LPP: variants seen among roughly 807,000 people sequenced by gnomAD.
LPP encodes lipoma-preferred partner.
A neutral mutation model predicts 60.4 loss-of-function variants in LPP; 38 were observed. The ratio of observed to expected loss-of-function variants is 0.63; its 90% CI spans 0.49 to 0.83. LPP has a LOEUF of 0.83. Ranked by LOEUF, LPP falls within the 40% of genes least tolerant of loss-of-function variation. LPP has a pLI of 0.00. For missense variants in LPP, 902 were observed against 783.6 expected (o/e 1.15, Z -1.80); for synonymous variants, 328 against 290.8 (o/e 1.13, Z -1.30).
In LPP at chr3:188,609,691, A is replaced by G; in HGVS notation, c.960A>G (p.Gln320=). 1.2e-6 allele frequency: 2 copies of G among 1,614,106 alleles called. No homozygotes were observed. Among genetic ancestry groups the G allele is most frequent in the Non-Finnish European group, 1.7e-6 (2 of 1,179,998 alleles). ...RNDSDPTYGQ[Q]GHPNTWKREP... ...ACTCTGACCCTACCTATGGTCAACAAGGTCACCCAAATACCTGGAAACGGG... is the reference window on the plus strand; with the variant it reads ...ACTCTGACCCTACCTATGGTCAACAGGGTCACCCAAATACCTGGAAACGGG... Residue 320 remains glutamine, a synonymous_variant, in exon 7 of 12, where the codon CAA becomes CAG. Transcript: ENST00000617246. The surrounding 1 kb of genome is among the most constrained non-coding windows in gnomAD (Gnocchi z 6.9).
rs145648006 is a variant in LPP, at chr3:188,167,538, C to CAAAACA, written c.-190+13289_-190+13290insACAAAA. Among the ~76,000 whole-genome samples, 492 of 150,366 alleles carry CAAAACA rather than the reference C, an allele frequency of 3.3e-3. 1 individual carries two copies. Among genetic ancestry groups the CAAAACA allele is most frequent in the African/African-American group, 0.012 (477 of 40,978 alleles). On this transcript the variant is annotated intron_variant, in intron 1 of 11. Transcript: ENST00000617246. ...CAAAACAAAACAAAACAAAACAAAA[C>CAAAACA]AAAGGCCTGCCATGCAGTGCCACTG...
At chr3:188,423,809 T>A (rs1434101416) in intron 4 of LPP, among the ~76,000 whole-genome samples, 1 of 152,188 alleles carries the variant, frequency 6.6e-6, no homozygotes, top group Non-Finnish European at 1.5e-5. Flanking sequence ...TGTTTGTTTT[T>A]TTCTTGAAAA....
intron 3 of LPP, among the ~76,000 whole-genome samples, chr3:188,402,855 C>T (rs6785284): frequency 0.4 from 60,255 of 152,008 alleles, 12,199 homozygotes; most frequent in South Asian, 0.57. Context: ...GCTACTCTTC[C>T]TTGGAGAAGT....
At chr3:188,447,923 T>C (rs1037233134) in intron 4 of LPP, among the ~76,000 whole-genome samples, 7 of 152,220 alleles carry the variant, frequency 4.6e-5, no homozygotes, top group Non-Finnish European at 8.8e-5. Context: ...TCAAATTATC[T>C]ACTGTTGTAC....
At chr3:188,239,486 A>C (rs1560143034) in intron 2 of LPP, among the ~76,000 whole-genome samples, 1 of 152,150 alleles carries the variant, frequency 6.6e-6, no homozygotes, top group Non-Finnish European at 1.5e-5. Flanking sequence ...TTTTATTTTT[A>C]CTTTATATCA....
At chr3:188,808,725 T>C (rs1209974939) in intron 9 of LPP, among the ~76,000 whole-genome samples, 1 of 152,194 alleles carries the variant, frequency 6.6e-6, no homozygotes, top group African/African-American at 2.4e-5. Flanking sequence ...TGCAGGTTTG[T>C]TACACAGGTA....
intron 5 of LPP, among the ~76,000 whole-genome samples, chr3:188,505,568 A>G (rs1813214245): frequency 6.6e-6 from 1 of 152,148 alleles, no homozygotes; most frequent in South Asian, 2.1e-4. Flanking sequence ...CTGCCTTTTC[A>G]CTTTCAATGT....
rs1560628044 is a variant in LPP at position 188,607,368 on chromosome 3, A to AAG, written c.430-1791_430-1790dup. Reference sequence around the variant, plus strand: ...ATTATAACTGTATGTTTGAAAATAGAAGATATATATATATATATATATATA... The same window carrying AAG: ...ATTATAACTGTATGTTTGAAAATAGAAGAGATATATATATATATATATATATA... On this transcript the variant is annotated intron_variant, in intron 6 of 11. Transcript: ENST00000617246. Among the ~76,000 whole-genome samples the AAG allele has an allele frequency of 4.8e-5, 4 of 83,676 alleles. 1 individual carries two copies. Among genetic ancestry groups the AAG allele is most frequent in the Non-Finnish European group, 9.3e-5 (4 of 42,850 alleles). 54.9% of individuals were successfully genotyped at this position (83,676 alleles called of 152,430 possible). A position where few individuals can be genotyped will look rare whatever the true frequency, so the allele number is the denominator to read the frequency against.
chr3:188,240,512 C>G (rs192618613), intron 2 of LPP, among the ~76,000 whole-genome samples: 4 of 152,144 alleles, frequency 2.6e-5, no homozygotes, highest in Admixed American at 6.5e-5. Context: ...AATTTGACTG[C>G]TTTATTTTGT....
chr3:188,707,172 T>C (rs865799571), intron 7 of LPP, among the ~76,000 whole-genome samples: 1 of 152,140 alleles, frequency 6.6e-6, no homozygotes, highest in African/African-American at 2.4e-5. Flanking sequence ...TTTTTTTTAC[T>C]GCAGTATGTT....
intron 7 of LPP, among the ~76,000 whole-genome samples, chr3:188,671,553 A>G (rs1441341812): frequency 1.3e-5 from 2 of 152,236 alleles, no homozygotes; most frequent in South Asian, 2.1e-4. Context: ...TTGACATGAT[A>G]AAAGGAGACA....
chr3:188,266,574 A>G (rs956091943), intron 2 of LPP, among the ~76,000 whole-genome samples: 1 of 148,510 alleles, frequency 6.7e-6, no homozygotes, highest in Non-Finnish European at 1.5e-5. Flanking sequence ...GAGAGAGAGA[A>G]AGGAAATCAA....
chr3:188,673,601 T>A (rs1007092922), intron 7 of LPP, among the ~76,000 whole-genome samples: 12 of 152,040 alleles, frequency 7.9e-5, no homozygotes, highest in Non-Finnish European at 1.5e-5. Context: ...AGCTAAGAGT[T>A]CATTTAGCCA....
chr3:188,763,752 T>G (rs948515800), intron 9 of LPP, among the ~76,000 whole-genome samples: 6 of 152,152 alleles, frequency 3.9e-5, no homozygotes, highest in Non-Finnish European at 7.4e-5. Context: ...AAATGTATTG[T>G]GTGTTTTGCA....
chr3:188,414,234 A>T (rs1295148503), intron 4 of LPP, among the ~76,000 whole-genome samples: 6 of 152,162 alleles, frequency 3.9e-5, no homozygotes, highest in African/African-American at 1.4e-4. Context: ...AATTATAAAA[A>T]ATACTTTAAT....
At chr3:188,652,968 G>T (rs1189525180) in intron 7 of LPP, among the ~76,000 whole-genome samples, 11 of 152,060 alleles carry the variant, frequency 7.2e-5, no homozygotes, top group Non-Finnish European at 4.4e-5. Context: ...CTCTGTCTTG[G>T]GCCATGGAAC....
At chr3:188,191,053 A>C (rs1728033078) in intron 1 of LPP, among the ~76,000 whole-genome samples, 1 of 152,206 alleles carries the variant, frequency 6.6e-6, no homozygotes, top group Non-Finnish European at 1.5e-5. Context: ...AACATGGTGA[A>C]TCCCCATCTC....
intron 8 of LPP, among the ~76,000 whole-genome samples, chr3:188,757,576 A>G (rs928500742): frequency 8.5e-5 from 13 of 152,216 alleles, no homozygotes; most frequent in Admixed American, 7.9e-4. Flanking sequence ...GACGGGGGGA[A>G]GTGTGGTCCA....
Position 188,800,447 on chromosome 3 carries a change from G to A in LPP, c.1410+40165G>A, listed in dbSNP as rs112427570. Among the ~76,000 whole-genome samples the A allele has an allele frequency of 7.3e-3, 1,104 of 151,678 alleles. 7 individuals carry two copies. Among genetic ancestry groups the A allele is most frequent in the African/African-American group, 0.014 (583 of 41,344 alleles). On this transcript the variant is annotated intron_variant, in intron 9 of 11. Coordinates refer to ENST00000617246, the MANE Select transcript of LPP (RefSeq NM_001375462.1). ...TTTTTAGTAGAGGTGGGGTTTCATC[G>A]TGTTAGCCAGGATGGTCTCCATCTC... is the stretch of plus-strand genomic sequence containing the variant.
Sources: allele counts gnomAD v4.1 joint callset (sites outside exome capture counted in the v4.1 genomes callset), GRCh38; gene constraint gnomAD v4.1.1; non-coding constraint Gnocchi (gnomAD v3.1); transcripts MANE v1.5; gene names NCBI Gene and HGNC (gene_info 2026-07-23, HGNC 2026-07-21).